Variants in ZC3H3 observed in about 807,000 individuals in gnomAD.
The protein encoded by ZC3H3 is zinc finger CCCH domain-containing protein 3.
A neutral mutation model predicts 77.3 loss-of-function variants in ZC3H3; 36 were observed. The observed-to-expected ratio is 0.47, with a 90% CI of 0.36 to 0.61. The LOEUF (loss-of-function observed/expected upper bound fraction) is 0.61, where lower values mean the gene tolerates loss of function less well. Ranked by LOEUF, ZC3H3 falls within the 20% of genes least tolerant of loss-of-function variation. ZC3H3 has a pLI of 0.00. For missense variants in ZC3H3, 1,331 were observed against 1,312.2 expected (o/e 1.01, Z -0.22); for synonymous variants, 626 against 555.2 (o/e 1.13, Z -1.79).
chr8:143,478,739 A>G (rs1820819716), intron 4 of ZC3H3, among the ~76,000 whole-genome samples: 1 of 152,086 alleles, frequency 6.6e-6, no homozygotes, highest in Admixed American at 6.5e-5. Context: ...CGAACTCCTG[A>G]CCTCAGGTGA....
chr8:143,507,721 A>G lies in ZC3H3; in HGVS notation c.1715+25T>C, dbSNP rs756713746. On this transcript the variant is annotated intron_variant, in intron 4 of 11. Coordinates refer to ENST00000262577, the MANE Select transcript of ZC3H3 (RefSeq NM_015117.3). Reference sequence around the variant, plus strand: ...CAGACAGCCCAGTTCCCAGGCCTGCAGGAGCCTGCAGGAAGCCTTCCTACC... The same window carrying G: ...CAGACAGCCCAGTTCCCAGGCCTGCGGGAGCCTGCAGGAAGCCTTCCTACC... 45 of 1,533,092 alleles carry G rather than the reference A, an allele frequency of 2.9e-5. No homozygotes were observed. In the Admixed American group the frequency reaches 8.1e-4, roughly 28 times the overall value. 95.0% of individuals were successfully genotyped at this position (1,533,092 alleles called of 1,614,324 possible). A position where few individuals can be genotyped will look rare whatever the true frequency, so the allele number is the denominator to read the frequency against.
Position 143,437,957 on chromosome 8 carries a change from G to A in ZC3H3, c.*99C>T. 1 of 1,502,406 alleles carries A rather than the reference G, an allele frequency of 6.7e-7. No individual in the cohort carries two copies. The highest frequency in any genetic ancestry group is 9.1e-7 in the Non-Finnish European group (1 of 1,102,094). 93.1% of individuals were successfully genotyped at this position (1,502,406 alleles called of 1,614,324 possible). ...CCCTGTGGCCCCCAGGTGAGGCTTG[G>A]TGGCGGGCGGCCCTCCTGTGGGGTA... On this transcript the variant is annotated 3_prime_UTR_variant, in exon 12 of 12. Coordinates refer to ENST00000262577, the MANE Select transcript of ZC3H3 (RefSeq NM_015117.3).
chr8:143,484,243 G>A (rs970886766), intron 4 of ZC3H3, among the ~76,000 whole-genome samples: 5 of 151,994 alleles, frequency 3.3e-5, no homozygotes, highest in Admixed American at 2.6e-4. Context: ...TGGTCCTTCC[G>A]AGGGCCATCC....
intron 3 of ZC3H3, among the ~76,000 whole-genome samples, chr8:143,525,919 C>A (rs1822396646): frequency 6.6e-6 from 1 of 152,276 alleles, no homozygotes; most frequent in Non-Finnish European, 1.5e-5. Context: ...GCCACACAAC[C>A]CCAAGCCTGC....
At chr8:143,523,867 G>A (rs529226561) in intron 3 of ZC3H3, among the ~76,000 whole-genome samples, 1 of 152,384 alleles carries the variant, frequency 6.6e-6, no homozygotes, top group African/African-American at 2.4e-5. Context: ...GCAGGATGAT[G>A]GAGAGCAAGC....
rs1160678573 is a variant in ZC3H3, at chr8:143,438,070, TG to T, written c.2832del (p.Lys945AsnfsTer132). On this transcript the variant is annotated frameshift_variant, in exon 12 of 12. Coordinates refer to ENST00000262577, the MANE Select transcript of ZC3H3 (RefSeq NM_015117.3). LOFTEE classifies it high-confidence loss of function. The stretch of plus-strand genomic sequence containing the variant: ...CCCTGGGGTCCTCACAGACGTGGTT[TG>T]ATGTGCAGAGGCTTCCCTATGCAAA... ...LTKDSGKPLH[I>X]KPRL 1 of 1,611,384 alleles carries T rather than the reference TG, an allele frequency of 6.2e-7. No homozygotes were observed. Among genetic ancestry groups the T allele is most frequent in the Admixed American group, 1.7e-5 (1 of 59,654 alleles).
At chr8:143,524,338 TG>T (rs1251493877) in intron 3 of ZC3H3, among the ~76,000 whole-genome samples, 1 of 152,230 alleles carries the variant, frequency 6.6e-6, no homozygotes, top group East Asian at 1.9e-4. Flanking sequence ...CCTGGGAGTC[TG>T]GGCTAAGGTT....
At position 143,440,970 on chromosome 8, in the gene ZC3H3, C is replaced by A. The variant is rs199952485; in HGVS notation, c.2458G>T (p.Ala820Ser). ...TGGCTGGCCGAGACCCTGCTCCTGGCGGTTGCGTCGCTGGGCCCTGGGGCG... is the reference window on the plus strand; with the variant it reads ...TGGCTGGCCGAGACCCTGCTCCTGGAGGTTGCGTCGCTGGGCCCTGGGGCG... The part of the protein sequence containing the change: ...SPAPGPSDAT[A>S]RSRVSASHGP... Residue 820 changes from alanine to serine, a missense_variant, in exon 10 of 12, where the codon GCC becomes TCC. Physicochemically the swap from Ala to Ser is moderately conservative, Grantham distance 99. Transcript: ENST00000262577. 8 of 1,446,456 alleles carry A rather than the reference C, an allele frequency of 5.5e-6. No homozygotes were observed. Among genetic ancestry groups the A allele is most frequent in the Admixed American group, 2.8e-5 (1 of 35,326 alleles). 89.6% of individuals were successfully genotyped at this position (1,446,456 alleles called of 1,614,324 possible).
chr8:143,468,908 G>A (rs1356574016), intron 5 of ZC3H3, among the ~76,000 whole-genome samples: 1 of 152,210 alleles, frequency 6.6e-6, no homozygotes, highest in Admixed American at 6.5e-5. Flanking sequence ...CTCCTCTCCA[G>A]GGCAGGGTCC....
At chr8:143,482,179 C>A (rs1382941795) in intron 4 of ZC3H3, among the ~76,000 whole-genome samples, 1 of 152,250 alleles carries the variant, frequency 6.6e-6, no homozygotes, top group Non-Finnish European at 1.5e-5. Context: ...CTGGGAAGTT[C>A]TGGTTTCTGG....
Position 143,541,446 on chromosome 8 carries a change from A to G in ZC3H3, c.-25T>C. ...TCTCCCGAGTCCGCGACGGCCGGCC[A>G]GGCCCCCACGACGTCATCGCTACGC... On this transcript the variant is annotated 5_prime_UTR_variant, in exon 1 of 12. Coordinates refer to ENST00000262577, the MANE Select transcript of ZC3H3 (RefSeq NM_015117.3). The G allele has an allele frequency of 6.2e-7, 1 of 1,611,470 alleles. No homozygotes were observed. Among genetic ancestry groups the G allele is most frequent in the African/African-American group, 1.3e-5 (1 of 74,778 alleles).
intron 4 of ZC3H3, among the ~76,000 whole-genome samples, chr8:143,485,991 A>G (rs1409322400): frequency 1.3e-5 from 2 of 152,266 alleles, no homozygotes; most frequent in Non-Finnish European, 2.9e-5. Flanking sequence ...TGCTGCTGGC[A>G]GGCTGGGACA....
At chr8:143,508,180 G>A (rs1363579613) in intron 3 of ZC3H3, among the ~76,000 whole-genome samples, 2 of 152,232 alleles carry the variant, frequency 1.3e-5, no homozygotes, top group African/African-American at 4.8e-5. Context: ...CCACACCACA[G>A]GAAAACCAGG....
At chr8:143,463,583 A>G (rs1440736283) in intron 9 of ZC3H3, among the ~76,000 whole-genome samples, 1 of 152,196 alleles carries the variant, frequency 6.6e-6, no homozygotes, top group Non-Finnish European at 1.5e-5. Flanking sequence ...GGCTATTAAG[A>G]CTAAGGGGAG....
intron 3 of ZC3H3, among the ~76,000 whole-genome samples, chr8:143,524,291 C>T (rs779737129): frequency 6.6e-6 from 1 of 152,354 alleles, no homozygotes; most frequent in African/African-American, 2.4e-5. Context: ...TTACTGAAGC[C>T]AAACAGTCTA....
chr8:143,499,745 G>A (rs1821468089), intron 4 of ZC3H3, among the ~76,000 whole-genome samples: 1 of 152,132 alleles, frequency 6.6e-6, no homozygotes, highest in Non-Finnish European at 1.5e-5. Context: ...CGGAGGCCCT[G>A]GGGACCGGGC....
chr8:143,459,714 G>C (rs1008087337), intron 9 of ZC3H3, among the ~76,000 whole-genome samples: 4 of 151,958 alleles, frequency 2.6e-5, no homozygotes, highest in African/African-American at 9.7e-5. Context: ...AAGACCACAA[G>C]ATCATTTCAA....
At chr8:143,523,301 G>A (rs1822308891) in intron 3 of ZC3H3, 5 of 984,976 alleles carry the variant, frequency 5.1e-6, no homozygotes, top group Middle Eastern at 5.2e-4. Flanking sequence ...ACAGACGCAC[G>A]ATGAAACCAA....
chr8:143,495,039 G>A (rs1821309286), intron 4 of ZC3H3, among the ~76,000 whole-genome samples: 1 of 152,190 alleles, frequency 6.6e-6, no homozygotes, highest in African/African-American at 2.4e-5. Flanking sequence ...GCAGTTTGGT[G>A]ATGTCACATC....
Sources: allele counts gnomAD v4.1 joint callset (sites outside exome capture counted in the v4.1 genomes callset), GRCh38; gene constraint gnomAD v4.1.1; transcripts MANE v1.5; gene names NCBI Gene and HGNC (gene_info 2026-07-23, HGNC 2026-07-21).